STPG2: variants seen among roughly 807,000 people sequenced by gnomAD.
STPG2 encodes the protein sperm-tail PG-rich repeat-containing protein 2.
A neutral mutation model predicts 54.2 loss-of-function variants in STPG2; 56 were observed. The ratio of observed to expected loss-of-function variants is 1.03; its 90% CI spans 0.83 to 1.29. STPG2 has a LOEUF of 1.29. STPG2 is among the 50% of genes most tolerant of loss of function. The pLI, the probability that STPG2 is intolerant of heterozygous loss-of-function variation, is 0.00. For missense variants in STPG2, 596 were observed against 544.9 expected (o/e 1.09, Z -0.93); for synonymous variants, 200 against 181.8 (o/e 1.10, Z -0.81).
chr4:97,943,795 C>T, intron 8 of STPG2, 102 bp downstream of exon 8: 1 of 821,994 alleles, frequency 1.2e-6, no homozygotes. Flanking sequence ...TTACAGCACG[C>T]TACCAGTTAC....
Position 97,981,470 on chromosome 4 carries a change from C to T in STPG2, c.613-152G>A, listed in dbSNP as rs1032841741. 1.7e-5 allele frequency: 13 copies of T among 752,924 alleles called. No individual in the cohort carries two copies. The African/African-American group carries it at 2.3e-4, about 13-fold the overall frequency. 46.6% of individuals were successfully genotyped at this position (752,924 alleles called of 1,614,324 possible). The stretch of plus-strand genomic sequence containing the variant: ...ATGTAGATGAACTAAGATCTTGTAC[C>T]CATCAAAACATAAAATATATAGCTT... On this transcript the variant is annotated intron_variant, in intron 5 of 10. Transcript: ENST00000295268.
chr4:97,741,524 A>T (rs1248581462), intron 9 of STPG2, among the ~76,000 whole-genome samples: 1 of 152,072 alleles, frequency 6.6e-6, no homozygotes, highest in Non-Finnish European at 1.5e-5. Context: ...CAAGAAAAAA[A>T]CAAACAACCC....
At chr4:97,497,899 C>A (rs1730644672) in intron 4 of STPG2, among the ~76,000 whole-genome samples, 1 of 151,804 alleles carries the variant, frequency 6.6e-6, no homozygotes, top group Admixed American at 6.6e-5. Flanking sequence ...TTATTCCATT[C>A]TTATGTTATT....
intron 10 of STPG2, among the ~76,000 whole-genome samples, chr4:97,596,760 A>G (rs1350319108): frequency 6.6e-6 from 1 of 152,198 alleles, no homozygotes; most frequent in Non-Finnish European, 1.5e-5. Flanking sequence ...GGACATAGCT[A>G]AAGCAGAGTT....
intron 9 of STPG2, among the ~76,000 whole-genome samples, chr4:97,804,585 A>G (rs936118250): frequency 6.6e-6 from 1 of 152,294 alleles, no homozygotes; most frequent in East Asian, 1.9e-4. Flanking sequence ...AGTTTTTAAA[A>G]ATTTGAAAAT....
chr4:97,817,780 C>T (rs1363599465), intron 9 of STPG2, among the ~76,000 whole-genome samples: 1 of 151,880 alleles, frequency 6.6e-6, no homozygotes, highest in Non-Finnish European at 1.5e-5. Flanking sequence ...AAAGGCAAGC[C>T]TATTTAAAAT....
At chr4:97,455,623 G>A (rs555725883) in intron 4 of STPG2, among the ~76,000 whole-genome samples, 9 of 152,074 alleles carry the variant, frequency 5.9e-5, no homozygotes, top group East Asian at 1.9e-4. Context: ...CTACTTCCAC[G>A]GAATAAAACC....
chr4:97,912,473 T>A (rs1314614984), intron 8 of STPG2, among the ~76,000 whole-genome samples: 1 of 152,098 alleles, frequency 6.6e-6, no homozygotes, highest in Non-Finnish European at 1.5e-5. Flanking sequence ...GAGAGAAACA[T>A]AACCAACCTG....
chr4:97,526,909 C>T (rs1380302178), intron 4 of STPG2, among the ~76,000 whole-genome samples: 1 of 151,874 alleles, frequency 6.6e-6, no homozygotes, highest in African/African-American at 2.4e-5. Context: ...GCCAGGTTTC[C>T]CAGCACCATT....
At chr4:97,723,027 T>C (rs142195641) in intron 9 of STPG2, among the ~76,000 whole-genome samples, 3,869 of 148,184 alleles carry the variant, frequency 0.026, 140 homozygotes, top group Admixed American at 0.11. Flanking sequence ...TTAGCCAGAA[T>C]GGTCTCCATC....
At chr4:97,471,711 A>T (rs1729940964) in intron 4 of STPG2, among the ~76,000 whole-genome samples, 1 of 152,222 alleles carries the variant, frequency 6.6e-6, no homozygotes, top group African/African-American at 2.4e-5. Flanking sequence ...ATTCATTTTA[A>T]GACAACGTTT....
intron 10 of STPG2, among the ~76,000 whole-genome samples, chr4:97,702,537 C>A (rs1418312334): frequency 1.3e-5 from 2 of 152,088 alleles, no homozygotes; most frequent in Non-Finnish European, 2.9e-5. Context: ...TGAAGAGAAT[C>A]AATATTATCT....
intron 4 of STPG2, among the ~76,000 whole-genome samples, chr4:97,545,552 G>A (rs929600689): frequency 6.6e-6 from 1 of 152,094 alleles, no homozygotes; most frequent in Non-Finnish European, 1.5e-5. Context: ...AAATGGAGTG[G>A]AAATAAGTTT....
At chr4:98,026,365 C>G (rs1375769486) in intron 5 of STPG2, 2 of 449,814 alleles carry the variant, frequency 4.4e-6, no homozygotes, top group Admixed American at 7.4e-5. Flanking sequence ...ATTTATTCCT[C>G]TGCCTCGACA....
chr4:98,036,944 C>T (rs566291735), intron 5 of STPG2, among the ~76,000 whole-genome samples: 3 of 151,966 alleles, frequency 2.0e-5, no homozygotes, highest in South Asian at 2.1e-4. Context: ...TTCAAGTTAG[C>T]GAAAATTGAC....
At chr4:97,770,081 G>T (rs571951176) in intron 9 of STPG2, among the ~76,000 whole-genome samples, 4 of 152,060 alleles carry the variant, frequency 2.6e-5, no homozygotes, top group African/African-American at 9.6e-5. Flanking sequence ...CATAGTTGTA[G>T]GTGCCTGTAA....
At chr4:97,803,879 A>G (rs1035032957) in intron 9 of STPG2, among the ~76,000 whole-genome samples, 2 of 152,122 alleles carry the variant, frequency 1.3e-5, no homozygotes, top group African/African-American at 2.4e-5. Context: ...TTCTTAATCA[A>G]TTCATCTCCG....
intron 7 of STPG2, among the ~76,000 whole-genome samples, chr4:97,947,999 G>A (rs1027522844): frequency 6.6e-6 from 1 of 151,806 alleles, no homozygotes; most frequent in Non-Finnish European, 1.5e-5. Flanking sequence ...TTCTTTGAAT[G>A]CCTGGTAGAA....
chr4:97,945,017 G>A (rs111239955), intron 7 of STPG2, among the ~76,000 whole-genome samples: 1 of 152,176 alleles, frequency 6.6e-6, no homozygotes, highest in African/African-American at 2.4e-5. Context: ...TTTTTGTGTA[G>A]TTTTTAAATT....
Sources: gnomAD v4.1 joint callset for allele counts (sites outside exome capture counted in the v4.1 genomes callset) on GRCh38, gnomAD v4.1.1 for gene constraint, MANE v1.5 for transcripts, NCBI Gene and HGNC (gene_info 2026-07-23, HGNC 2026-07-21) for gene names.